The following LRRC53 variants were observed in gnomAD, a reference collection of about 807,000 sequenced individuals.
The protein encoded by LRRC53 is leucine-rich repeat-containing protein 53.
A neutral mutation model predicts 13.6 loss-of-function variants in LRRC53; 25 were observed. That is an observed-to-expected ratio of 1.83 (90% confidence interval 1.34 to 2.56). LRRC53 has a LOEUF of 2.56. Ranked by LOEUF, LRRC53 falls within the 30% of genes most tolerant of loss-of-function variation. The pLI is 0.00. For synonymous variants in LRRC53, 204 were observed against 109.8 expected (o/e 1.86, Z -5.37); for missense variants, 527 against 275.8 (o/e 1.91, Z -6.45).
upstream of LRRC53, among the ~76,000 whole-genome samples, chr1:74,517,587 C>T (rs1646367363): frequency 2.0e-5 from 3 of 152,154 alleles, no homozygotes; most frequent in Admixed American, 1.3e-4. Flanking sequence ...CATGTGGGGG[C>T]TGTGTGCTAA....
the LRRC53 span, among the ~76,000 whole-genome samples, chr1:74,518,055 A>T: frequency 6.6e-6 from 1 of 152,206 alleles, no homozygotes; most frequent in Non-Finnish European, 1.5e-5. Context: ...TAGCACTTTT[A>T]GGAGATTAAT....
chr1:74,522,219 G>T, the LRRC53 span, among the ~76,000 whole-genome samples: 2 of 152,194 alleles, frequency 1.3e-5, no homozygotes, highest in African/African-American at 4.8e-5. Flanking sequence ...CAAGGTTATA[G>T]ACTCAGGGGC....
chr1:74,518,874 C>CTTTTT, the LRRC53 span, among the ~76,000 whole-genome samples: 1 of 29,052 alleles, frequency 3.4e-5, no homozygotes, highest in African/African-American at 1.7e-4. Flanking sequence ...TTTTTTTCCC[C>CTTTTT]TTTTTTTTTT....
the LRRC53 span, among the ~76,000 whole-genome samples, chr1:74,528,441 G>T: frequency 4.6e-5 from 7 of 152,262 alleles, no homozygotes; most frequent in East Asian, 9.7e-4. Flanking sequence ...TTCTGCATGG[G>T]TGTGGGATAT....
In LRRC53 at chr1:74,480,176, A is replaced by T. The variant is rs1433552531; in HGVS notation, c.881T>A (p.Leu294Gln). ...SPLLPGPDVA[L>Q]LTVLGFAGAV... ...ACCTGCGAAGCCAAGGACAGTCAGC[A>T]GGGCCACATCTGGTCCTGGGAGGAG... Residue 294 changes from leucine to glutamine, a missense_variant, in exon 3 of 5, where the codon CTG becomes CAG. Physicochemically the swap from Leu to Gln is moderately radical, Grantham distance 113 (BLOSUM62 -2). Coordinates refer to ENST00000294635, the MANE Select transcript of LRRC53 (RefSeq NM_001382280.1). 2.8e-6 allele frequency: 2 copies of T among 717,138 alleles called. No homozygotes were observed. The highest frequency in any genetic ancestry group is 5.4e-5 in the East Asian group (2 of 37,292). The allele number at this position is 717,138 out of a possible 1,614,324, so 44.4% of individuals were successfully genotyped here. A position where few individuals can be genotyped will look rare whatever the true frequency, so the allele number is the denominator to read the frequency against.
At chr1:74,477,064 A>T (rs1488162826) in intron 3 of LRRC53, among the ~76,000 whole-genome samples, 1 of 152,164 alleles carries the variant, frequency 6.6e-6, no homozygotes, top group African/African-American at 2.4e-5. Context: ...GCACATTTTT[A>T]AAGTTGTAGC....
chr1:74,480,283 T>G lies in LRRC53; in HGVS notation c.774A>C (p.Ala258=), dbSNP rs1167231697. The change falls in exon 3 of 5, where the codon GCA becomes GCC. Residue 258 remains alanine (A), a synonymous_variant. Coordinates refer to ENST00000294635, the MANE Select transcript of LRRC53 (RefSeq NM_001382280.1). ...TCTCAGACAGCCTCAGCACACTCTG[T>G]GCAGCTGCCACAGCTGCGGTAGATG... ...CQPSTAAVAA[A]QSVLRLSETN... is the part of the protein sequence containing the mutation. 4 of 717,452 alleles carry G rather than the reference T, an allele frequency of 5.6e-6. No individual in the cohort carries two copies. 44.4% of individuals were successfully genotyped at this position (717,452 alleles called of 1,614,324 possible).
intron 1 of LRRC53, among the ~76,000 whole-genome samples, chr1:74,510,089 C>A (rs935623967): frequency 7.2e-5 from 11 of 152,008 alleles, no homozygotes; most frequent in East Asian, 1.9e-4. Flanking sequence ...TATTTTATTT[C>A]TTTTGTAAAA....
At chr1:74,496,978 A>G (rs1056939346) in intron 1 of LRRC53, among the ~76,000 whole-genome samples, 15 of 152,184 alleles carry the variant, frequency 9.9e-5, no homozygotes, top group African/African-American at 3.4e-4. Flanking sequence ...TGTCCAGAAG[A>G]AGAAAACCAG....
chr1:74,501,474 G>GTGTTTGTTTGTTTGTTTGTT (rs71588835), intron 1 of LRRC53, among the ~76,000 whole-genome samples: 2 of 149,942 alleles, frequency 1.3e-5, no homozygotes, highest in East Asian at 2.0e-4. Flanking sequence ...TTTTTGTTTT[G>GTGTTTGTTTGTTTGTTTGTT]TGTTTGTTTG....
chr1:74,479,865 A>G (rs945586140), intron 3 of LRRC53, among the ~76,000 whole-genome samples: 2 of 152,234 alleles, frequency 1.3e-5, no homozygotes, highest in African/African-American at 4.8e-5. Flanking sequence ...AAGGAAACTA[A>G]AGTCTAAATA....
At chr1:74,478,889 T>C (rs1430250635) in intron 3 of LRRC53, among the ~76,000 whole-genome samples, 1 of 152,222 alleles carries the variant, frequency 6.6e-6, no homozygotes, top group Non-Finnish European at 1.5e-5. Flanking sequence ...CACATACAAT[T>C]ACTGACATAG....
the LRRC53 span, among the ~76,000 whole-genome samples, chr1:74,520,854 A>G: frequency 6.6e-6 from 1 of 152,026 alleles, no homozygotes; most frequent in Non-Finnish European, 1.5e-5. Flanking sequence ...TTAGATCTGG[A>G]AGGTACATAT....
chr1:74,509,836 T>A lies in LRRC53; in HGVS notation c.-27+2690A>T, dbSNP rs1157149376. Among the ~76,000 whole-genome samples, 5 of 127,492 alleles carry A rather than the reference T, an allele frequency of 3.9e-5. No individual in the cohort carries two copies. The Admixed American group carries it at 4.0e-4, about 10-fold the overall frequency. 83.6% of individuals were successfully genotyped at this position (127,492 alleles called of 152,430 possible). A position where few individuals can be genotyped will look rare whatever the true frequency, so the allele number is the denominator to read the frequency against. On this transcript the variant is annotated intron_variant, in intron 1 of 4. Transcript: ENST00000294635. ...TGTGCGATTATGGCTCACTGCAGCC[T>A]CAACTTCCCCAGGCTCAGGTGATTT...
At chr1:74,492,197 C>T in intron 1 of LRRC53, 1 of 1,612,840 alleles carries the variant, frequency 6.2e-7, no homozygotes, top group Non-Finnish European at 8.5e-7. Flanking sequence ...AGTCATGTGG[C>T]AGCATTAAGA....
At chr1:74,509,846 C>T (rs1233697971) in intron 1 of LRRC53, among the ~76,000 whole-genome samples, 1 of 143,832 alleles carries the variant, frequency 7.0e-6, no homozygotes, top group African/African-American at 2.6e-5. Context: ...TCAACTTCCC[C>T]AGGCTCAGGT....
intron 1 of LRRC53, among the ~76,000 whole-genome samples, chr1:74,494,421 T>A (rs1669227984): frequency 6.6e-6 from 1 of 152,198 alleles, no homozygotes; most frequent in Non-Finnish European, 1.5e-5. Flanking sequence ...AATTAAGTAT[T>A]AGTAGGTTTG....
At chr1:74,481,025 G>A (rs377374979) in intron 2 of LRRC53, 57 bp from the exon 3 acceptor site, 61 of 648,928 alleles carry the variant, frequency 9.4e-5, no homozygotes, top group East Asian at 7.4e-4. Flanking sequence ...GAGGGAGGGG[G>A]TATGGTGGAG....
intron 1 of LRRC53, among the ~76,000 whole-genome samples, chr1:74,510,911 A>T (rs1328808519): frequency 1.3e-5 from 2 of 152,164 alleles, no homozygotes; most frequent in South Asian, 2.1e-4. Context: ...TTTTGAGACG[A>T]AGTCTCACTC....
Sources: allele counts gnomAD v4.1 joint callset (sites outside exome capture counted in the v4.1 genomes callset), GRCh38; gene constraint gnomAD v4.1.1; transcripts MANE v1.5; gene names NCBI Gene and HGNC (gene_info 2026-07-23, HGNC 2026-07-21).